CYFIP2: variants seen among roughly 807,000 people sequenced by gnomAD.
The protein encoded by CYFIP2 is cytoplasmic FMR1 interacting protein 2.
CYFIP2 carries 29 observed loss-of-function variants against 158.7 expected under a neutral mutation model. The ratio of observed to expected loss-of-function variants is 0.18; its 90% CI spans 0.14 to 0.25. The LOEUF is 0.25. CYFIP2 is among the 10% of genes least tolerant of loss of function. The pLI is 1.00. For synonymous variants in CYFIP2, 585 were observed against 617.6 expected (o/e 0.95, Z 0.78); for missense variants, 852 against 1,639.5 (o/e 0.52, Z 8.29).
intron 11 of CYFIP2, among the ~76,000 whole-genome samples, chr5:157,312,858 T>G (rs1759849152): frequency 6.6e-6 from 1 of 152,200 alleles, no homozygotes; most frequent in South Asian, 2.1e-4. Flanking sequence ...GTGCTAGAGC[T>G]CTTTTAAAAA....
At chr5:157,292,963 A>G (rs1030016017) in intron 3 of CYFIP2, among the ~76,000 whole-genome samples, 6 of 152,182 alleles carry the variant, frequency 3.9e-5, no homozygotes, top group Non-Finnish European at 7.3e-5. Flanking sequence ...AGTGATTTAC[A>G]ATAGACTAAA....
At chr5:157,308,163 C>CTT (rs35504183) in intron 9 of CYFIP2, among the ~76,000 whole-genome samples, 215 of 145,362 alleles carry the variant, frequency 1.5e-3, no homozygotes, top group African/African-American at 4.8e-3. Flanking sequence ...CTGAATGCTG[C>CTT]TTTTTTTTTT....
chr5:157,294,780 C>T lies in CYFIP2; in HGVS notation c.208-3C>T, dbSNP rs1197998745. ...CCCTGCTGAGGCTGTTTTACCATTT[C>T]AGAATGAGATGCTGGAGGAAGGACA... is the stretch of plus-strand genomic sequence containing the variant. On this transcript the variant is annotated splice_polypyrimidine_tract_variant and splice_region_variant and intron_variant, in intron 3 of 30. Coordinates refer to ENST00000620254, the MANE Select transcript of CYFIP2 (RefSeq NM_001037333.3). 1 of 1,613,420 alleles carries T rather than the reference C, an allele frequency of 6.2e-7. No homozygotes were observed. The highest frequency in any genetic ancestry group is 1.1e-5 in the South Asian group (1 of 91,032).
At chr5:157,364,308 G>A (rs747546319) in intron 26 of CYFIP2, 6 of 151,590 alleles carry the variant, frequency 4.0e-5, no homozygotes, top group African/African-American at 1.5e-4. Flanking sequence ...AGCTTCCCCT[G>A]TTCAGAATCC....
At chr5:157,323,016 G>A (rs1333072044) in intron 15 of CYFIP2, 7 of 1,535,988 alleles carry the variant, frequency 4.6e-6, no homozygotes, top group Admixed American at 2.0e-5. Context: ...GCCGATCCCT[G>A]GTATCACACC....
intron 23 of CYFIP2, among the ~76,000 whole-genome samples, chr5:157,350,654 C>G (rs1173427621): frequency 6.6e-6 from 1 of 152,088 alleles, no homozygotes; most frequent in East Asian, 1.9e-4. Context: ...TATTCTAGTT[C>G]TGTGAAGAAT....
intron 23 of CYFIP2, among the ~76,000 whole-genome samples, chr5:157,347,626 G>A (rs1425832679): frequency 6.6e-6 from 1 of 152,218 alleles, no homozygotes; most frequent in East Asian, 1.9e-4. Flanking sequence ...TATTTTGCGG[G>A]GAGTAAAAAT....
intron 8 of CYFIP2, among the ~76,000 whole-genome samples, chr5:157,306,322 C>G (rs1759217641): frequency 6.6e-6 from 1 of 152,220 alleles, no homozygotes; most frequent in African/African-American, 2.4e-5. Context: ...ATATCCCTCT[C>G]ACCACTGGTG....
intron 15 of CYFIP2, among the ~76,000 whole-genome samples, chr5:157,323,561 C>T (rs1387611829): frequency 6.6e-6 from 1 of 152,170 alleles, no homozygotes; most frequent in Non-Finnish European, 1.5e-5. Flanking sequence ...CTTTTGACTC[C>T]CAGTCCAGTG....
intron 30 of CYFIP2, 38 bp downstream of exon 30, chr5:157,390,706 T>G (rs767162292): frequency 6.4e-7 from 1 of 1,566,034 alleles, no homozygotes; most frequent in East Asian, 2.3e-5. Flanking sequence ...GAGGTGGGGC[T>G]GGGCTGACAA....
At chr5:157,319,655 G>C in intron 13 of CYFIP2, 107 bp from the exon 14 acceptor site, 3 of 1,391,662 alleles carry the variant, frequency 2.2e-6, no homozygotes, top group Non-Finnish European at 2.9e-6. Context: ...CTGGCCTCAT[G>C]CCTCTGGACA....
At chr5:157,335,959 A>G (rs72809218) in intron 21 of CYFIP2, among the ~76,000 whole-genome samples, 6,091 of 152,278 alleles carry the variant, frequency 0.04, 169 homozygotes, top group Non-Finnish European at 0.067. Flanking sequence ...AACAAAATCA[A>G]AACAAGCAGT....
At chr5:157,366,115 A>G (rs1764347766) in intron 26 of CYFIP2, among the ~76,000 whole-genome samples, 1 of 152,194 alleles carries the variant, frequency 6.6e-6, no homozygotes, top group African/African-American at 2.4e-5. Context: ...TTGCAGCCTC[A>G]TAAACAATTT....
intron 11 of CYFIP2, among the ~76,000 whole-genome samples, chr5:157,313,743 T>C (rs1391816732): frequency 6.6e-6 from 1 of 152,238 alleles, no homozygotes; most frequent in Non-Finnish European, 1.5e-5. Flanking sequence ...ACACACAGTA[T>C]GTTTGTGCAT....
At chr5:157,292,214 A>C (rs576114820) in intron 3 of CYFIP2, among the ~76,000 whole-genome samples, 15 of 148,258 alleles carry the variant, frequency 1.0e-4, no homozygotes, top group South Asian at 8.5e-4. Context: ...TTCTTTTTTT[A>C]TTTTTATTTT....
intron 8 of CYFIP2, among the ~76,000 whole-genome samples, chr5:157,307,281 G>C (rs1171641576): frequency 6.6e-6 from 1 of 152,194 alleles, no homozygotes; most frequent in Non-Finnish European, 1.5e-5. Flanking sequence ...CCCACCCTGG[G>C]ATACAGCAAG....
Position 157,383,371 on chromosome 5 carries a change from A to C in CYFIP2, c.3207+12A>C, listed in dbSNP as rs530691975. ...TGGGGACCCCTCAGGTACCAATCTT[A>C]TATAATAAATGGGCTCTGATCACTG... On this transcript the variant is annotated intron_variant, in intron 28 of 30. Transcript: ENST00000620254. 1 of 1,609,742 alleles carries C rather than the reference A, an allele frequency of 6.2e-7. No homozygotes were observed. The highest frequency in any genetic ancestry group is 8.5e-7 in the Non-Finnish European group (1 of 1,176,556).
chr5:157,291,113 C>G (rs1204091499), intron 3 of CYFIP2, among the ~76,000 whole-genome samples: 1 of 152,184 alleles, frequency 6.6e-6, no homozygotes, highest in Admixed American at 6.5e-5. Context: ...GAGAATCAAC[C>G]TGGGGATTGT....
intron 21 of CYFIP2, among the ~76,000 whole-genome samples, chr5:157,335,338 C>T (rs1376597126): frequency 6.6e-6 from 1 of 152,132 alleles, no homozygotes; most frequent in South Asian, 2.1e-4. Context: ...AGTGCAGTGG[C>T]GTGATCTCAG....
Sources: allele counts gnomAD v4.1 joint callset (sites outside exome capture counted in the v4.1 genomes callset), GRCh38; gene constraint gnomAD v4.1.1; transcripts MANE v1.5; gene names NCBI Gene and HGNC (gene_info 2026-07-23, HGNC 2026-07-21).